ERBB4: variants seen among roughly 807,000 people sequenced by gnomAD.
ERBB4 encodes the protein receptor tyrosine-protein kinase erbB-4.
Under a neutral mutation model 158.0 loss-of-function variants are expected in ERBB4, and 42 were observed. The observed-to-expected ratio is 0.27, with a 90% CI of 0.21 to 0.34. The LOEUF is 0.34. Ranked by LOEUF, ERBB4 falls within the 10% of genes least tolerant of loss-of-function variation. The pLI, the probability that ERBB4 is intolerant of heterozygous loss-of-function variation, is 1.00. For missense variants in ERBB4, 1,333 were observed against 1,624.1 expected (o/e 0.82, Z 3.08); for synonymous variants, 583 against 558.7 (o/e 1.04, Z -0.61).
intron 1 of ERBB4, among the ~76,000 whole-genome samples, chr2:212,391,445 A>G (rs944164147): frequency 6.6e-6 from 1 of 150,866 alleles, no homozygotes; most frequent in Non-Finnish European, 1.5e-5. Context: ...AAAATAAATT[A>G]TGTTCTCTCA....
At chr2:211,988,019 T>C (rs1252908851) in intron 2 of ERBB4, among the ~76,000 whole-genome samples, 1 of 152,206 alleles carries the variant, frequency 6.6e-6, no homozygotes, top group African/African-American at 2.4e-5. Context: ...ACTTTTAAAA[T>C]GTACTTGTTA....
At chr2:211,784,661 T>G (rs1239709145) in intron 4 of ERBB4, among the ~76,000 whole-genome samples, 2 of 152,232 alleles carry the variant, frequency 1.3e-5, no homozygotes, top group Admixed American at 6.5e-5. Context: ...TATTTTTAAT[T>G]TTTGAGAAAC....
intron 2 of ERBB4, among the ~76,000 whole-genome samples, chr2:212,118,507 G>C (rs1189814805): frequency 6.6e-6 from 1 of 152,110 alleles, no homozygotes; most frequent in Non-Finnish European, 1.5e-5. Context: ...CAGTGGAAAA[G>C]TAATGCAAAT....
chr2:211,964,081 G>C lies in ERBB4; in HGVS notation c.235-16465C>G, dbSNP rs181229377. 8.5e-5 allele frequency among the ~76,000 whole-genome samples: 13 copies of C among 152,204 alleles called. No individual in the cohort carries two copies. The East Asian group carries it at 2.3e-3, about 27-fold the overall frequency. ...AAGACACATGGTATTTCTCTCTCCT[G>C]AGTCAACTTCATCACCTTTCTCTTG... is the stretch of plus-strand genomic sequence containing the variant. On this transcript the variant is annotated intron_variant, in intron 2 of 27. Coordinates refer to ENST00000342788, the MANE Select transcript of ERBB4 (RefSeq NM_005235.3).
intron 1 of ERBB4, among the ~76,000 whole-genome samples, chr2:212,303,316 C>A (rs2086688538): frequency 6.6e-6 from 1 of 151,266 alleles, no homozygotes; most frequent in African/African-American, 2.4e-5. Flanking sequence ...ACAAAACACT[C>A]CAATTATGTA....
intron 2 of ERBB4, among the ~76,000 whole-genome samples, chr2:211,975,517 G>A (rs839503): frequency 2.2e-4 from 34 of 152,250 alleles, no homozygotes; most frequent in African/African-American, 7.2e-4. Flanking sequence ...TAAAAGAAGA[G>A]TTAGATGACA....
intron 27 of ERBB4, among the ~76,000 whole-genome samples, chr2:211,385,020 T>C (rs988648193): frequency 1.3e-5 from 2 of 152,110 alleles, no homozygotes; most frequent in Non-Finnish European, 2.9e-5. Context: ...TTTTACTATA[T>C]ACACAAAGCC....
chr2:212,486,263 G>T (rs1689974441), intron 1 of ERBB4, among the ~76,000 whole-genome samples: 2 of 151,746 alleles, frequency 1.3e-5, no homozygotes, highest in Admixed American at 6.6e-5. Context: ...GAGAAGGAGA[G>T]ATTACAAAAA....
At chr2:211,482,241 C>A (rs889869892) in intron 20 of ERBB4, among the ~76,000 whole-genome samples, 1 of 152,162 alleles carries the variant, frequency 6.6e-6, no homozygotes, top group African/African-American at 2.4e-5. Flanking sequence ...GAAGAATCAT[C>A]CAAATTTATT....
intron 3 of ERBB4, among the ~76,000 whole-genome samples, chr2:211,860,758 A>T (rs2077989777): frequency 6.6e-6 from 1 of 150,806 alleles, no homozygotes; most frequent in Admixed American, 6.7e-5. Flanking sequence ...AAATATTAAA[A>T]ATAGGAATAT....
chr2:211,579,207 C>T (rs751930101), intron 19 of ERBB4, among the ~76,000 whole-genome samples: 11 of 152,018 alleles, frequency 7.2e-5, no homozygotes, highest in Middle Eastern at 3.4e-3. Flanking sequence ...AAAAGTTTAA[C>T]GACACTGAGA....
intron 1 of ERBB4, among the ~76,000 whole-genome samples, chr2:212,480,216 T>C (rs1689617702): frequency 6.6e-6 from 1 of 152,296 alleles, no homozygotes; most frequent in South Asian, 2.1e-4. Context: ...TGAACATCTA[T>C]GTAAAACAAA....
At position 211,702,238 on chromosome 2, in the gene ERBB4, T is replaced by C. The variant is rs906487269; in HGVS notation, c.1290-72A>G. On this transcript the variant is annotated intron_variant, in intron 11 of 27. Transcript: ENST00000342788. Reference sequence around the variant, plus strand: ...AGTAAAATAAGGCTGTCACATTTTATTTTAAAAAGAATGTTAATGGTGTAT... The same window carrying C: ...AGTAAAATAAGGCTGTCACATTTTACTTTAAAAAGAATGTTAATGGTGTAT... 4 of 1,138,680 alleles carry C rather than the reference T, an allele frequency of 3.5e-6. No individual in the cohort carries two copies. The East Asian group carries it at 9.4e-5, about 27-fold the overall frequency. The allele number at this position is 1,138,680 out of a possible 1,614,324, so 70.5% of individuals were successfully genotyped here.
chr2:212,215,270 A>G (rs1356547253), intron 1 of ERBB4, among the ~76,000 whole-genome samples: 3 of 151,246 alleles, frequency 2.0e-5, no homozygotes, highest in Admixed American at 6.6e-5. Context: ...TAGAAATTCT[A>G]TTAAATCACA....
At chr2:211,559,540 T>C (rs570173068) in intron 20 of ERBB4, among the ~76,000 whole-genome samples, 3 of 152,216 alleles carry the variant, frequency 2.0e-5, no homozygotes, top group African/African-American at 2.4e-5. Context: ...TCACCACATC[T>C]GTAGAGCCCT....
At chr2:211,987,235 C>G (rs1043420281) in intron 2 of ERBB4, among the ~76,000 whole-genome samples, 19 of 149,670 alleles carry the variant, frequency 1.3e-4, no homozygotes, top group African/African-American at 4.7e-4. Flanking sequence ...GCAGGAGAAT[C>G]ACTTGAACCC....
Position 211,619,228 on chromosome 2 carries a change from A to G in ERBB4, c.2250T>C (p.Ile750=). The G allele has an allele frequency of 6.2e-7, 1 of 1,612,870 alleles. No homozygotes were observed. Among genetic ancestry groups the G allele is most frequent in the Admixed American group, 1.7e-5 (1 of 59,890 alleles). ...GACCAGTTGTCTCATTAAGAATCTT[A>G]ATAGCCACAGGAATCTTCACAGTTT... is the stretch of plus-strand genomic sequence containing the variant. ...EGETVKIPVA[I]KILNETTGPK... The change falls in exon 19 of 28, where the codon ATT becomes ATC. Residue 750 remains isoleucine, a synonymous_variant. Coordinates refer to ENST00000342788, the MANE Select transcript of ERBB4 (RefSeq NM_005235.3).
chr2:212,248,077 G>A (rs1196978781), intron 1 of ERBB4, among the ~76,000 whole-genome samples: 3 of 152,124 alleles, frequency 2.0e-5, no homozygotes, highest in Admixed American at 6.5e-5. Context: ...AATGTTTATA[G>A]TATACACTTC....
chr2:211,557,280 C>T (rs748114682), intron 20 of ERBB4, among the ~76,000 whole-genome samples: 7 of 152,130 alleles, frequency 4.6e-5, no homozygotes, highest in Non-Finnish European at 1.0e-4. Flanking sequence ...CTAATTAAAT[C>T]AAAGAGCTTC....
Sources: allele counts gnomAD v4.1 joint callset (sites outside exome capture counted in the v4.1 genomes callset), GRCh38; gene constraint gnomAD v4.1.1; transcripts MANE v1.5; gene names NCBI Gene and HGNC (gene_info 2026-07-23, HGNC 2026-07-21).